Variants in FAM9B observed in about 807,000 individuals in gnomAD.
The protein encoded by FAM9B is family with sequence similarity 9 member B.
Under a neutral mutation model 16.6 loss-of-function variants are expected in FAM9B, and 18 were observed. The ratio of observed to expected loss-of-function variants is 1.09; its 90% confidence interval spans 0.75 to 1.61. FAM9B has a LOEUF of 1.61. Among genes scored for constraint, FAM9B ranks in the 40% most tolerant of loss-of-function variants. FAM9B has a pLI of 0.00. For missense variants in FAM9B, 155 were observed against 136.0 expected (o/e 1.14, Z -0.70); for synonymous variants, 43 against 42.6 (o/e 1.01, Z -0.03).
intron 2 of FAM9B, 98 bp downstream of exon 2, chrX:9,032,860 CT>C: frequency 9.0e-7 from 1 of 1,116,766 alleles, no homozygotes; most frequent in Non-Finnish European, 1.2e-6. Context: ...ACGAAGGGGC[CT>C]GGGGCCTCGG....
At chrX:9,030,086 C>T (rs1921023646) in intron 5 of FAM9B, 175 bp downstream of exon 5, 1 of 940,348 alleles carries the variant, frequency 1.1e-6, no homozygotes, top group African/African-American at 2.0e-5. Context: ...TCTCTTAATT[C>T]TGTTAAACTG....
intron 4 of FAM9B, chrX:9,031,450 A>G (rs1357408733): frequency 8.9e-6 from 1 of 112,170 alleles, no homozygotes; most frequent in Non-Finnish European, 1.9e-5. Flanking sequence ...TACTGGAATA[A>G]TAATAGAAAA....
intron 7 of FAM9B, among the ~76,000 whole-genome samples, chrX:9,026,715 A>T (rs191968301): frequency 1.8e-5 from 2 of 111,097 alleles, no homozygotes; most frequent in East Asian, 5.7e-4. Flanking sequence ...GGGAAGGATA[A>T]TGAACTCAGA....
intron 5 of FAM9B, 28 bp from the exon 6 acceptor site, chrX:9,029,446 A>G: frequency 2.9e-6 from 3 of 1,032,588 alleles, no homozygotes; most frequent in Non-Finnish European, 4.1e-6. Flanking sequence ...TAACACGGTC[A>G]TACGTCATAG....
At chrX:9,030,440 C>G (rs763402626) in intron 4 of FAM9B, 80 bp from the exon 5 acceptor site, 12 of 652,178 alleles carry the variant, frequency 1.8e-5, no homozygotes, top group Non-Finnish European at 2.7e-5. Context: ...ATACTGACAT[C>G]AATATGGGAC....
At position 9,033,183 on chromosome X, in the gene FAM9B, T is replaced by G; in HGVS notation, c.-89-108A>C. ...GGGTGGGGCTGGCCCGCCCTGGGTC[T>G]CATGTGGGAGCAGGAAGGGACGGAA... is the stretch of plus-strand genomic sequence containing the variant. On this transcript the variant is annotated intron_variant, in intron 1 of 8. Transcript: ENST00000327220. The G allele has an allele frequency of 3.5e-6, 4 of 1,152,230 alleles. No individual in the cohort carries two copies. The South Asian group carries it at 5.9e-5, about 17-fold the overall frequency. The allele number at this position is 1,152,230 out of a possible 1,213,427, so 95.0% of individuals were successfully genotyped here. A position where few individuals can be genotyped will look rare whatever the true frequency, so the allele number is the denominator to read the frequency against.
intron 7 of FAM9B, among the ~76,000 whole-genome samples, chrX:9,026,336 G>A (rs915073020): frequency 9.0e-6 from 1 of 110,989 alleles, no homozygotes; most frequent in Non-Finnish European, 1.9e-5. Context: ...TGGGAGTAAC[G>A]GTGAGTTCCT....
In FAM9B at chrX:9,033,069, C is replaced by A. The variant is rs755689969; in HGVS notation, c.-83G>T. ...TTGTCCTGGGAAGCTAGAGGCGATCCCCGAACCTGGTGAGCGCAAAGACAC... is the reference window on the plus strand; with the variant it reads ...TTGTCCTGGGAAGCTAGAGGCGATCACCGAACCTGGTGAGCGCAAAGACAC... On this transcript the variant is annotated 5_prime_UTR_variant, in exon 2 of 9. Coordinates refer to ENST00000327220, the MANE Select transcript of FAM9B (RefSeq NM_205849.3). 3.1e-5 allele frequency: 37 copies of A among 1,208,422 alleles called. No individual in the cohort carries two copies. The highest frequency in any genetic ancestry group is 3.9e-5 in the Non-Finnish European group (35 of 894,150).
At position 9,026,917 on chromosome X, in the gene FAM9B, A is replaced by G. The variant is rs1055156363; in HGVS notation, c.492+951T>C. On this transcript the variant is annotated intron_variant, in intron 7 of 8. Transcript: ENST00000327220. ...GTATAGATAATCCTCAAGTTGCTTG[A>G]AAATTTTATTTTCAAACTCTTTTCC... Among the ~76,000 whole-genome samples the G allele has an allele frequency of 5.4e-5, 6 of 111,790 alleles. 1 individual carries two copies. Among genetic ancestry groups the G allele is most frequent in the Non-Finnish European group, 9.4e-5 (5 of 53,118 alleles).
In FAM9B at chrX:9,024,713, G is replaced by A. The variant is rs761734132; in HGVS notation, c.*696C>T. The A allele has an allele frequency of 8.9e-6, 1 of 112,428 alleles. No individual in the cohort carries two copies. The highest frequency in any genetic ancestry group is 3.2e-5 in the African/African-American group (1 of 31,022). 9.3% of individuals were successfully genotyped at this position (112,428 alleles called of 1,213,427 possible). A position where few individuals can be genotyped will look rare whatever the true frequency, so the allele number is the denominator to read the frequency against. On this transcript the variant is annotated 3_prime_UTR_variant, in exon 9 of 9. Coordinates refer to ENST00000327220, the MANE Select transcript of FAM9B (RefSeq NM_205849.3). ...TTCTTGTTTTCTGAGAAAGAGTCTT[G>A]CTCTGTCGCCCAGGCTGGAGTGCAG...
chrX:9,027,864 A>G lies in FAM9B; in HGVS notation c.492+4T>C, dbSNP rs1447478402. On this transcript the variant is annotated splice_donor_region_variant and intron_variant, in intron 7 of 8. Coordinates refer to ENST00000327220, the MANE Select transcript of FAM9B (RefSeq NM_205849.3). ...AATGTATTATGTTACCAAATAGAAC[A>G]GACCTTTACGAATTGGTCACGTAGC... is the stretch of plus-strand genomic sequence containing the variant. 1.7e-6 allele frequency: 2 copies of G among 1,198,023 alleles called. No individual in the cohort carries two copies. Among genetic ancestry groups the G allele is most frequent in the African/African-American group, 1.7e-5 (1 of 57,598 alleles).
In FAM9B at chrX:9,029,490, C is replaced by T. The variant is rs1921008640; in HGVS notation, c.282-72G>A. 6 of 682,800 alleles carry T rather than the reference C, an allele frequency of 8.8e-6. No individual in the cohort carries two copies. The South Asian group carries it at 1.1e-4, about 13-fold the overall frequency. 56.3% of individuals were successfully genotyped at this position (682,800 alleles called of 1,213,427 possible). On this transcript the variant is annotated intron_variant, in intron 5 of 8. Transcript: ENST00000327220. Reference sequence around the variant, plus strand: ...AAAATTAATCCTATTCAAACCCAAACTGACTTGACATAATTTATACTATAA... The same window carrying T: ...AAAATTAATCCTATTCAAACCCAAATTGACTTGACATAATTTATACTATAA...
intron 6 of FAM9B, among the ~76,000 whole-genome samples, chrX:9,029,010 C>T (rs773715929): frequency 3.6e-4 from 40 of 111,481 alleles, no homozygotes; most frequent in Non-Finnish European, 6.2e-4. Context: ...CCCTGCCCAA[C>T]TCTCCCTCTA....
chrX:9,033,478 C>A (rs1387767817), intron 1 of FAM9B: 1 of 520,992 alleles, frequency 1.9e-6, no homozygotes, highest in Non-Finnish European at 2.3e-6. Context: ...CAGGGGACCC[C>A]CGGTGACCCC....
intron 7 of FAM9B, among the ~76,000 whole-genome samples, chrX:9,026,156 T>C (rs1920964817): frequency 8.9e-6 from 1 of 111,985 alleles, no homozygotes; most frequent in Admixed American, 9.5e-5. Context: ...CATGAGCAAA[T>C]GCACAAATAA....
chrX:9,033,269 A>G, intron 1 of FAM9B, 194 bp from the exon 2 acceptor site: 1 of 1,084,630 alleles, frequency 9.2e-7, no homozygotes, highest in Non-Finnish European at 1.2e-6. Flanking sequence ...CTGGCTGCAA[A>G]GCTCACAGCT....
intron 7 of FAM9B, 57 bp downstream of exon 7, chrX:9,027,811 C>G: frequency 4.3e-6 from 4 of 931,064 alleles, no homozygotes; most frequent in Non-Finnish European, 6.2e-6. Flanking sequence ...AGCAGACTGT[C>G]TTCTATTATG....
intron 5 of FAM9B, 36 bp from the exon 6 acceptor site, chrX:9,029,454 T>C (rs1569138480): frequency 3.1e-6 from 3 of 979,059 alleles, no homozygotes; most frequent in Admixed American, 2.4e-5. Context: ...TCATACGTCA[T>C]AGAGAGATGA....
intron 5 of FAM9B, among the ~76,000 whole-genome samples, chrX:9,029,687 T>G (rs1425516503): frequency 9.0e-6 from 1 of 111,677 alleles, no homozygotes; most frequent in Non-Finnish European, 1.9e-5. Flanking sequence ...CCAGAAACAT[T>G]TTCTCTAAGA....
Sources: allele counts gnomAD v4.1 joint callset (sites outside exome capture counted in the v4.1 genomes callset), GRCh38; gene constraint gnomAD v4.1.1; transcripts MANE v1.5; gene names NCBI Gene and HGNC (gene_info 2026-07-23, HGNC 2026-07-21).